The following ASIC1 variants were observed in gnomAD, a reference collection of about 807,000 sequenced individuals.
ASIC1 encodes acid sensing ion channel subunit 1.
In ASIC1, 21 loss-of-function variants were observed where a neutral mutation model predicts 63.4. The ratio of observed to expected loss-of-function variants is 0.33; its 90% confidence interval spans 0.23 to 0.48. The LOEUF (loss-of-function observed/expected upper bound fraction) is 0.48. Ranked by LOEUF, ASIC1 falls within the 20% of genes least tolerant of loss-of-function variation. The pLI, the probability that ASIC1 is intolerant of heterozygous loss-of-function variation, is 0.99. For missense variants in ASIC1, 478 were observed against 695.5 expected, an observed-to-expected ratio of 0.69 and a Z score of 3.52; for synonymous variants, 258 against 278.2, an observed-to-expected ratio of 0.93 and a Z score of 0.72.
intron 3 of ASIC1, among the ~76,000 whole-genome samples, chr12:50,062,665 C>T (rs1302632828): frequency 6.6e-6 from 1 of 152,194 alleles, no homozygotes; most frequent in African/African-American, 2.4e-5. Context: ...TAAGGGCAAC[C>T]CTCTTCTCAA....
intron 3 of ASIC1, 88 bp from the exon 4 acceptor site, chr12:50,077,125 A>T: frequency 6.2e-7 from 1 of 1,602,242 alleles, no homozygotes; most frequent in Non-Finnish European, 8.5e-7. Context: ...GGGTGTTGAG[A>T]TTCCAACAGC....
chr12:50,078,044 C>T lies in ASIC1; in HGVS notation c.754C>T (p.Gln252Ter). The T allele has an allele frequency of 6.2e-7, 1 of 1,614,008 alleles. No individual in the cohort carries two copies. Among genetic ancestry groups the T allele is most frequent in the Non-Finnish European group, 8.5e-7 (1 of 1,179,934 alleles). The change falls in exon 5 of 12, where the codon CAG becomes TAG. Residue 252 changes from glutamine to a stop codon, truncating the protein, a stop_gained. Transcript: ENST00000447966. LOFTEE classifies it high-confidence loss of function. The surrounding 1 kb of genome is among the most constrained non-coding windows in gnomAD (Gnocchi z 6.0). Reference sequence around the variant, plus strand: ...AGGCATCAAAGTGCAGATCCATAGTCAGGATGAACCTCCTTTCATCGACCA... The same window carrying T: ...AGGCATCAAAGTGCAGATCCATAGTTAGGATGAACCTCCTTTCATCGACCA... ...EAGIKVQIHS[Q>*]DEPPFIDQLG...
chr12:50,076,107 G>A (rs576112326), intron 3 of ASIC1, among the ~76,000 whole-genome samples: 15 of 152,326 alleles, frequency 9.8e-5, no homozygotes, highest in African/African-American at 3.1e-4. Context: ...CTACTTTCAG[G>A]TTCTGCTGAT....
At chr12:50,080,446 A>G in intron 8 of ASIC1, 52 bp from the exon 9 acceptor site, 1 of 1,560,562 alleles carries the variant, frequency 6.4e-7, no homozygotes, top group Admixed American at 1.7e-5. Context: ...CTGGTTAGTA[A>G]GAGATAGAGA....
rs1426613850 is a variant in ASIC1, at chr12:50,078,949, G to T, written c.1020G>T (p.Glu340Asp). ...MPGDAPYCTP[E>D]QYKECADPAL... Reference sequence around the variant, plus strand: ...GGGATGCCCCATACTGTACTCCAGAGCAGTACAAGGAGTGTGCAGATCCTG... The same window carrying T: ...GGGATGCCCCATACTGTACTCCAGATCAGTACAAGGAGTGTGCAGATCCTG... Residue 340 changes from glutamate (E) to aspartate (D), a missense_variant, in exon 7 of 12, where the codon GAG (glutamate) becomes GAT (aspartate). By Grantham distance (45) the Glu-to-Asp change is conservative. This residue lies in a region of ASIC1 where 84 missense variants were observed against 183.5 expected (regional missense o/e 0.46). Transcript: ENST00000447966. The surrounding 1 kb of genome is among the most constrained non-coding windows in gnomAD (Gnocchi z 6.0). The T allele has an allele frequency of 6.2e-7, 1 of 1,613,824 alleles. No individual in the cohort carries two copies. The highest frequency in any genetic ancestry group is 1.3e-5 in the African/African-American group (1 of 74,872).
chr12:50,078,653 C>G lies in ASIC1; in HGVS notation c.994+76C>G, dbSNP rs147875626. ...CCCTTCACTAGCTCCCCATCCATAT[C>G]AATCTCCCAACCCCAGTTCCAGCCC... On this transcript the variant is annotated intron_variant, in intron 6 of 11. Transcript: ENST00000447966. This position sits in a 1 kb window ranked among gnomAD's most constrained non-coding sequence, Gnocchi z 6.0. 1 of 1,585,668 alleles carries G rather than the reference C, an allele frequency of 6.3e-7. No individual in the cohort carries two copies. The highest frequency in any genetic ancestry group is 1.3e-5 in the African/African-American group (1 of 74,564).
At position 50,074,253 on chromosome 12, in the gene ASIC1, A is replaced by T; in HGVS notation, c.559-2960A>T. On this transcript the variant is annotated intron_variant, in intron 3 of 11. Transcript: ENST00000447966. This position sits in a 1 kb window ranked among gnomAD's most constrained non-coding sequence, Gnocchi z 4.2. ...CTCACAACTTCTCAGTGGTGAGTGG[A>T]GCCCCATGCCTGCCACAGTACCCCA... 1 of 1,460,812 alleles carries T rather than the reference A, an allele frequency of 6.8e-7. No individual in the cohort carries two copies. The highest frequency in any genetic ancestry group is 9.0e-7 in the Non-Finnish European group (1 of 1,108,230). 90.5% of individuals were successfully genotyped at this position (1,460,812 alleles called of 1,614,324 possible).
At position 50,078,937 on chromosome 12, in the gene ASIC1, C is replaced by T. The variant is rs750767632; in HGVS notation, c.1008C>T (p.Tyr336=). ...RMVHMPGDAP[Y]CTPEQYKECA... ...TCTCCTCTGTAGGGGATGCCCCATA[C>T]TGTACTCCAGAGCAGTACAAGGAGT... Residue 336 remains tyrosine, a synonymous_variant, in exon 7 of 12, where the codon TAC becomes TAT. Transcript: ENST00000447966. This position sits in a 1 kb window ranked among gnomAD's most constrained non-coding sequence, Gnocchi z 6.0. 1.2e-6 allele frequency: 2 copies of T among 1,614,026 alleles called. No individual in the cohort carries two copies. The highest frequency in any genetic ancestry group is 2.2e-5 in the South Asian group (2 of 91,078).
intron 3 of ASIC1, among the ~76,000 whole-genome samples, chr12:50,065,058 G>A (rs1950533578): frequency 6.6e-6 from 1 of 152,146 alleles, no homozygotes. Flanking sequence ...AATCTCCCCA[G>A]CCAAACTCAG....
chr12:50,078,010 C>G lies in ASIC1; in HGVS notation c.720C>G (p.Ser240=), dbSNP rs991117747. 2 of 1,612,638 alleles carry G rather than the reference C, an allele frequency of 1.2e-6. No individual in the cohort carries two copies. The highest frequency in any genetic ancestry group is 1.3e-5 in the African/African-American group (1 of 74,898). The change falls in exon 5 of 12, where the codon TCC becomes TCG. Residue 240 remains serine, a synonymous_variant. Coordinates refer to ENST00000447966, the MANE Select transcript of ASIC1 (RefSeq NM_001095.4). The surrounding 1 kb of genome is among the most constrained non-coding windows in gnomAD (Gnocchi z 6.0). ...TCCTCATTCCCCTAGACGAGACGTC[C>G]TTCGAAGCAGGCATCAAAGTGCAGA... The part of the protein sequence containing the change: ...LPVWGETDET[S]FEAGIKVQIH...
At chr12:50,081,407 C>T in intron 11 of ASIC1, 43 bp downstream of exon 11, 1 of 1,545,744 alleles carries the variant, frequency 6.5e-7, no homozygotes, top group Non-Finnish European at 8.8e-7. Flanking sequence ...GCCTGTGCCT[C>T]CACCGCCCCA....
rs1950679140 is a variant in ASIC1, at chr12:50,078,300, T to C, written c.838-121T>C. 6.6e-7 allele frequency: 1 copy of C among 1,514,690 alleles called. No individual in the cohort carries two copies. The highest frequency in any genetic ancestry group is 8.9e-7 in the Non-Finnish European group (1 of 1,117,496). 93.8% of individuals were successfully genotyped at this position (1,514,690 alleles called of 1,614,324 possible). On this transcript the variant is annotated intron_variant, in intron 5 of 11. Coordinates refer to ENST00000447966, the MANE Select transcript of ASIC1 (RefSeq NM_001095.4). The surrounding 1 kb of genome is among the most constrained non-coding windows in gnomAD (Gnocchi z 6.0). ...AATGCTCTGTAAACTCTGAGACCTT[T>C]GGAGGCTGCAGAGGGAGAGGGGAGC... is the stretch of plus-strand genomic sequence containing the variant.
rs74090047 is a variant in ASIC1, at chr12:50,080,489, C to G, written c.1206-9C>G. On this transcript the variant is annotated splice_polypyrimidine_tract_variant and intron_variant, in intron 8 of 11. Transcript: ENST00000447966. Reference sequence around the variant, plus strand: ...TGAACCTAGGTCTCCTCCCCCAATCCCTGTGCAGGGAGAACATCCTGGTGC... The same window carrying G: ...TGAACCTAGGTCTCCTCCCCCAATCGCTGTGCAGGGAGAACATCCTGGTGC... 3 of 1,613,540 alleles carry G rather than the reference C, an allele frequency of 1.9e-6. No homozygotes were observed. The African/African-American group carries it at 4.0e-5, about 22-fold the overall frequency.
chr12:50,073,539 C>T (rs1287100754), intron 3 of ASIC1: 2 of 1,461,938 alleles, frequency 1.4e-6, no homozygotes, highest in South Asian at 1.4e-5. Context: ...TGGCACCTTC[C>T]CCCTTCCTCC....
intron 3 of ASIC1, among the ~76,000 whole-genome samples, chr12:50,061,295 T>A (rs1381412428): frequency 6.6e-6 from 1 of 152,180 alleles, no homozygotes; most frequent in Non-Finnish European, 1.5e-5. Flanking sequence ...CCTCCCAATA[T>A]CCTTAAGCCT....
chr12:50,081,472 C>G, intron 11 of ASIC1, 73 bp from the exon 12 acceptor site: 1 of 1,413,456 alleles, frequency 7.1e-7, no homozygotes, highest in South Asian at 1.2e-5. Flanking sequence ...TCTCCTTTGC[C>G]TCCCGAATGC....
intron 3 of ASIC1, among the ~76,000 whole-genome samples, chr12:50,064,795 C>T (rs915890260): frequency 1.1e-4 from 17 of 152,062 alleles, no homozygotes; most frequent in African/African-American, 3.9e-4. Context: ...CTGGGGATAG[C>T]GAGGGAGACA....
At position 50,074,536 on chromosome 12, in the gene ASIC1, C is replaced by T. The variant is rs2137836266; in HGVS notation, c.559-2677C>T. Among the ~76,000 whole-genome samples the T allele has an allele frequency of 6.6e-6, 1 of 152,360 alleles. No homozygotes were observed. Among genetic ancestry groups the T allele is most frequent in the East Asian group, 1.9e-4 (1 of 5,188 alleles). ...CCAACATGTCCTCCAGCTTTACCTGCCCTTCTCAAGACTTCCTCATGGTCC... is the reference window on the plus strand; with the variant it reads ...CCAACATGTCCTCCAGCTTTACCTGTCCTTCTCAAGACTTCCTCATGGTCC... On this transcript the variant is annotated intron_variant, in intron 3 of 11. Transcript: ENST00000447966. This position sits in a 1 kb window ranked among gnomAD's most constrained non-coding sequence, Gnocchi z 4.2.
At position 50,057,599 on chromosome 12, in the gene ASIC1, C is replaced by G. The variant is rs966719867; in HGVS notation, c.-334C>G. 6 of 152,232 alleles carry G rather than the reference C, an allele frequency of 3.9e-5. No individual in the cohort carries two copies. The highest frequency in any genetic ancestry group is 1.4e-4 in the African/African-American group (6 of 41,430). The allele number at this position is 152,232 out of a possible 1,614,324, so 9.4% of individuals were successfully genotyped here. A position where few individuals can be genotyped will look rare whatever the true frequency, so the allele number is the denominator to read the frequency against. On this transcript the variant is annotated 5_prime_UTR_variant, in exon 1 of 12. Coordinates refer to ENST00000447966, the MANE Select transcript of ASIC1 (RefSeq NM_001095.4). The surrounding 1 kb of genome is among the most constrained non-coding windows in gnomAD (Gnocchi z 4.7). ...GCGCACGCGCACCCTCTCCCCTCCCCCTCCCCTCCCGCCGCCTCCCGGCCG... is the reference window on the plus strand; with the variant it reads ...GCGCACGCGCACCCTCTCCCCTCCCGCTCCCCTCCCGCCGCCTCCCGGCCG...
Sources: allele counts gnomAD v4.1 joint callset (sites outside exome capture counted in the v4.1 genomes callset), GRCh38; gene constraint gnomAD v4.1.1; regional missense constraint gnomAD v4.1.1; non-coding constraint Gnocchi (gnomAD v3.1); transcripts MANE v1.5; gene names NCBI Gene and HGNC (gene_info 2026-07-23, HGNC 2026-07-21).